The following TBC1D22A variants were observed in gnomAD, a reference collection of about 807,000 sequenced individuals.
TBC1D22A encodes the protein TBC1 domain family member 22A, also known as putative GTPase activator.
Under a neutral mutation model 60.2 loss-of-function variants are expected in TBC1D22A, and 38 were observed. The observed-to-expected ratio is 0.63, with a 90% CI of 0.49 to 0.83. TBC1D22A has a LOEUF of 0.83. TBC1D22A is among the 40% of genes least tolerant of loss of function. TBC1D22A has a pLI of 0.00. For missense variants in TBC1D22A, 628 were observed against 701.0 expected (o/e 0.90, Z 1.18); for synonymous variants, 302 against 281.7 (o/e 1.07, Z -0.72).
chr22:46,792,370 G>T (rs754070394), intron 1 of TBC1D22A, 150 bp from the exon 2 acceptor site: 2 of 999,840 alleles, frequency 2.0e-6, no homozygotes, highest in Non-Finnish European at 3.1e-6. Context: ...CAGGACCCCG[G>T]GTGGCTGCAG....
chr22:46,827,577 G>T lies in TBC1D22A; in HGVS notation c.637+29957G>T, dbSNP rs1395673478. Among the ~76,000 whole-genome samples, 4 of 152,298 alleles carry T rather than the reference G, an allele frequency of 2.6e-5. No individual in the cohort carries two copies. In the East Asian group the frequency reaches 7.7e-4, roughly 29 times the overall value. On this transcript the variant is annotated intron_variant, in intron 4 of 12. Transcript: ENST00000337137. ...TCTCGTATCAAAACGAGTCCTGGCCGCCAGCAGAACGTCTGATCAGCCTAG... is the reference window on the plus strand; with the variant it reads ...TCTCGTATCAAAACGAGTCCTGGCCTCCAGCAGAACGTCTGATCAGCCTAG...
intron 12 of TBC1D22A, among the ~76,000 whole-genome samples, chr22:47,161,910 A>G (rs1259300738): frequency 1.3e-5 from 2 of 152,102 alleles, no homozygotes; most frequent in Non-Finnish European, 2.9e-5. Flanking sequence ...GCGCTCTTGC[A>G]TTTTTCGGGG....
chr22:46,798,637 C>T (rs930646571), intron 4 of TBC1D22A, among the ~76,000 whole-genome samples: 5 of 152,248 alleles, frequency 3.3e-5, no homozygotes, highest in South Asian at 2.1e-4. Context: ...GTTTGCTAGA[C>T]GCTGGAGCTC....
chr22:46,834,707 A>C (rs1015340772), intron 4 of TBC1D22A, among the ~76,000 whole-genome samples: 1 of 152,206 alleles, frequency 6.6e-6, no homozygotes, highest in Non-Finnish European at 1.5e-5. Flanking sequence ...AGTTTCTACT[A>C]ACTGCCTTGT....
chr22:47,159,711 C>T (rs770926339), intron 12 of TBC1D22A, among the ~76,000 whole-genome samples: 11 of 151,844 alleles, frequency 7.2e-5, no homozygotes, highest in South Asian at 4.2e-4. Context: ...CATATACACA[C>T]GCACACTACA....
chr22:46,920,068 TATGTATGTATGTATGTATGA>T (rs1317611746), intron 8 of TBC1D22A, among the ~76,000 whole-genome samples: 1 of 148,706 alleles, frequency 6.7e-6, no homozygotes, highest in Non-Finnish European at 1.5e-5. Flanking sequence ...TGTATGTATG[TATGTATGTATGTATGTATGA>T]ATGAAGGAGA....
chr22:47,054,531 C>T (rs1603191963), intron 11 of TBC1D22A, among the ~76,000 whole-genome samples: 1 of 152,324 alleles, frequency 6.6e-6, no homozygotes, highest in East Asian at 1.9e-4. Context: ...TCTGTGGCCT[C>T]GCCATGTCCA....
chr22:47,097,627 A>G (rs1284376659), intron 11 of TBC1D22A, among the ~76,000 whole-genome samples: 2 of 152,146 alleles, frequency 1.3e-5, no homozygotes, highest in Non-Finnish European at 2.9e-5. Flanking sequence ...AAAAGAAAGA[A>G]AAAGAAAAGA....
At chr22:46,881,418 C>A (rs984780787) in intron 5 of TBC1D22A, among the ~76,000 whole-genome samples, 12 of 152,164 alleles carry the variant, frequency 7.9e-5, no homozygotes, top group Non-Finnish European at 1.5e-4. Context: ...CCCGACAGAC[C>A]TAGGCTACGT....
At chr22:47,050,578 C>A (rs978554463) in intron 11 of TBC1D22A, among the ~76,000 whole-genome samples, 1 of 152,202 alleles carries the variant, frequency 6.6e-6, no homozygotes, top group African/African-American at 2.4e-5. Context: ...CTTGGGACCG[C>A]GTGTGAGGCC....
intron 11 of TBC1D22A, among the ~76,000 whole-genome samples, chr22:47,067,782 T>G (rs1603227349): frequency 1.3e-5 from 2 of 152,222 alleles, no homozygotes; most frequent in African/African-American, 4.8e-5. Context: ...ACACTTGCGC[T>G]TGCATACGTG....
chr22:47,001,670 GAGA>G, intron 10 of TBC1D22A, among the ~76,000 whole-genome samples: 1 of 152,240 alleles, frequency 6.6e-6, no homozygotes, highest in South Asian at 2.1e-4. Context: ...AAGGACTTCA[GAGA>G]TAAGAGCATA....
chr22:46,893,538 C>G (rs540037870), intron 6 of TBC1D22A, among the ~76,000 whole-genome samples: 1 of 152,338 alleles, frequency 6.6e-6, no homozygotes, highest in South Asian at 2.1e-4. Flanking sequence ...CCTGGTCATG[C>G]AGAGGTGGCT....
rs562308535 is a variant in TBC1D22A, at chr22:47,109,496, C to T, written c.1330-2012C>T. Among the ~76,000 whole-genome samples, 13 of 152,242 alleles carry T rather than the reference C, an allele frequency of 8.5e-5. No individual in the cohort carries two copies. The South Asian group carries it at 1.2e-3, about 15-fold the overall frequency. ...CAGCTCGCTGGTCATTCCTGTGGGT[C>T]GTTCAGTCCTTGGTGTTTATTTCTG... On this transcript the variant is annotated intron_variant, in intron 11 of 12. Transcript: ENST00000337137.
rs769322904 is a variant in TBC1D22A at position 47,076,361 on chromosome 22, GTATATATATA to G, written c.1330-35136_1330-35127del. On this transcript the variant is annotated intron_variant, in intron 11 of 12. Coordinates refer to ENST00000337137, the MANE Select transcript of TBC1D22A (RefSeq NM_014346.5). ...TGTGTGTATATATATATATGTGTGTGTATATATATATATATATATACACACACACACACAC... is the reference window on the plus strand; with the variant it reads ...TGTGTGTATATATATATATGTGTGTGTATATATATACACACACACACACAC... Among the ~76,000 whole-genome samples the G allele has an allele frequency of 7.8e-5, 8 of 101,938 alleles. No homozygotes were observed. The South Asian group carries it at 1.6e-3, about 20-fold the overall frequency. 66.9% of individuals were successfully genotyped at this position (101,938 alleles called of 152,430 possible).
At chr22:46,968,707 C>G (rs186557742) in intron 8 of TBC1D22A, among the ~76,000 whole-genome samples, 19 of 152,316 alleles carry the variant, frequency 1.2e-4, no homozygotes, top group Non-Finnish European at 2.6e-4. Flanking sequence ...GATTTTTAGC[C>G]CATCCATCCC....
chr22:46,990,543 A>G lies in TBC1D22A; in HGVS notation c.1126-7091A>G, dbSNP rs1408347897. Among the ~76,000 whole-genome samples, 3 of 152,140 alleles carry G rather than the reference A, an allele frequency of 2.0e-5. No individual in the cohort carries two copies. Among genetic ancestry groups the G allele is most frequent in the Non-Finnish European group, 4.4e-5 (3 of 68,042 alleles). On this transcript the variant is annotated intron_variant, in intron 9 of 12. Transcript: ENST00000337137. The surrounding 1 kb of genome is among the most constrained non-coding windows in gnomAD (Gnocchi z 4.6). ...TTGTCAACTAAAGTCCACAGTTTACACCAGTTGTAGGCCGTGGGTTTTGAA... is the reference window on the plus strand; with the variant it reads ...TTGTCAACTAAAGTCCACAGTTTACGCCAGTTGTAGGCCGTGGGTTTTGAA...
intron 12 of TBC1D22A, among the ~76,000 whole-genome samples, chr22:47,165,780 T>C (rs1184946231): frequency 1.3e-5 from 2 of 152,092 alleles, no homozygotes; most frequent in Non-Finnish European, 2.9e-5. Context: ...CCGGGGGTCC[T>C]CAGCGGCCTC....
At chr22:46,827,815 G>A (rs1193633509) in intron 4 of TBC1D22A, among the ~76,000 whole-genome samples, 3 of 152,168 alleles carry the variant, frequency 2.0e-5, no homozygotes, top group African/African-American at 7.2e-5. Flanking sequence ...CTACTGGGGC[G>A]GGCAGTGAAG....
Sources: allele counts gnomAD v4.1 joint callset (sites outside exome capture counted in the v4.1 genomes callset), GRCh38; gene constraint gnomAD v4.1.1; non-coding constraint Gnocchi (gnomAD v3.1); transcripts MANE v1.5; gene names NCBI Gene and HGNC (gene_info 2026-07-23, HGNC 2026-07-21).